HHAT: variants seen among roughly 807,000 people sequenced by gnomAD.
The protein encoded by HHAT is protein-cysteine N-palmitoyltransferase HHAT.
HHAT carries 47 observed loss-of-function variants against 70.8 expected under a neutral mutation model. The ratio of observed to expected loss-of-function variants is 0.66; its 90% CI spans 0.53 to 0.85. The LOEUF is 0.85. Among genes scored for constraint, HHAT ranks in the 40% least tolerant of loss-of-function variants. HHAT has a pLI of 0.00. For missense variants in HHAT, 609 were observed against 604.8 expected (o/e 1.01, Z -0.07); for synonymous variants, 228 against 247.6 (o/e 0.92, Z 0.74).
At chr1:210,372,512 A>T (rs2089654690) in intron 3 of HHAT, among the ~76,000 whole-genome samples, 2 of 152,194 alleles carry the variant, frequency 1.3e-5, no homozygotes, top group African/African-American at 4.8e-5. Context: ...GAATTCTCCT[A>T]CAAGTACAAA....
chr1:210,416,377 A>G (rs1280571648), intron 6 of HHAT, among the ~76,000 whole-genome samples: 1 of 152,228 alleles, frequency 6.6e-6, no homozygotes, highest in Non-Finnish European at 1.5e-5. Context: ...ATTTAGCATT[A>G]GTCTGTCCTC....
intron 7 of HHAT, among the ~76,000 whole-genome samples, chr1:210,426,194 G>C (rs2093055702): frequency 6.6e-6 from 1 of 152,194 alleles, no homozygotes; most frequent in African/African-American, 2.4e-5. Flanking sequence ...CATTGATTTT[G>C]TATCCTGAGA....
chr1:210,599,079 G>A (rs1203836330), intron 10 of HHAT, among the ~76,000 whole-genome samples: 3 of 152,300 alleles, frequency 2.0e-5, no homozygotes, highest in South Asian at 2.1e-4. Context: ...CTACAACAGG[G>A]TTGTCTGATA....
chr1:210,529,285 AC>A, intron 9 of HHAT, among the ~76,000 whole-genome samples: 1 of 151,258 alleles, frequency 6.6e-6, no homozygotes, highest in South Asian at 2.1e-4. Flanking sequence ...AGCCTGGGCA[AC>A]AGAACGAGAC....
At chr1:210,659,138 T>C (rs575970190) in intron 11 of HHAT, among the ~76,000 whole-genome samples, 1 of 152,080 alleles carries the variant, frequency 6.6e-6, no homozygotes, top group Non-Finnish European at 1.5e-5. Flanking sequence ...AAAAAATCAA[T>C]GAATCCAGGA....
intron 9 of HHAT, among the ~76,000 whole-genome samples, chr1:210,555,470 C>A (rs938665122): frequency 6.6e-6 from 1 of 152,152 alleles, no homozygotes; most frequent in East Asian, 1.9e-4. Context: ...GGAATTGGGC[C>A]CTAGTCCTGT....
chr1:210,517,843 C>T (rs546163096), intron 9 of HHAT, among the ~76,000 whole-genome samples: 1 of 152,028 alleles, frequency 6.6e-6, no homozygotes, highest in Non-Finnish European at 1.5e-5. Context: ...ATTTTAAAAA[C>T]GATGAATGAT....
chr1:210,331,252 G>GC (rs1192915335), intron 1 of HHAT, among the ~76,000 whole-genome samples: 2 of 152,084 alleles, frequency 1.3e-5, no homozygotes, highest in Non-Finnish European at 2.9e-5. Flanking sequence ...TCCCATCTGG[G>GC]GGGGTGTGTT....
intron 7 of HHAT, among the ~76,000 whole-genome samples, chr1:210,444,853 C>T (rs1462348483): frequency 1.3e-5 from 2 of 151,846 alleles, no homozygotes; most frequent in Admixed American, 6.6e-5. Flanking sequence ...GTTTTTCTTT[C>T]TCCTGAGACA....
At chr1:210,384,992 T>A (rs963019633) in intron 3 of HHAT, among the ~76,000 whole-genome samples, 1 of 152,226 alleles carries the variant, frequency 6.6e-6, no homozygotes, top group African/African-American at 2.4e-5. Flanking sequence ...TTCCTTTAAA[T>A]GAATGTTTTC....
At chr1:210,414,483 A>G (rs1442839516) in intron 6 of HHAT, among the ~76,000 whole-genome samples, 1 of 152,158 alleles carries the variant, frequency 6.6e-6, no homozygotes, top group Non-Finnish European at 1.5e-5. Context: ...CATAGCTACA[A>G]AAAAAATCTA....
intron 7 of HHAT, among the ~76,000 whole-genome samples, chr1:210,451,484 T>C (rs1024536813): frequency 6.6e-6 from 1 of 152,230 alleles, no homozygotes; most frequent in Non-Finnish European, 1.5e-5. Context: ...CAGAAAATAT[T>C]AATGAAATTA....
chr1:210,612,606 A>C (rs1666822463), intron 10 of HHAT, among the ~76,000 whole-genome samples: 1 of 152,212 alleles, frequency 6.6e-6, no homozygotes, highest in Admixed American at 6.5e-5. Flanking sequence ...ACTGCTGTGT[A>C]CACTGGTGTA....
chr1:210,555,890 C>T (rs2095567677), intron 9 of HHAT, among the ~76,000 whole-genome samples: 1 of 152,076 alleles, frequency 6.6e-6, no homozygotes, highest in Admixed American at 6.5e-5. Flanking sequence ...GCCAGCTGAG[C>T]CTGATTAATA....
chr1:210,630,879 C>CG, intron 11 of HHAT: 1 of 366,468 alleles, frequency 2.7e-6, no homozygotes. Flanking sequence ...GCCGTGGAGG[C>CG]GGGGGGCCAG....
chr1:210,624,682 A>G (rs1326943155), intron 11 of HHAT, among the ~76,000 whole-genome samples: 1 of 152,242 alleles, frequency 6.6e-6, no homozygotes, highest in African/African-American at 2.4e-5. Flanking sequence ...AAAACATTCT[A>G]TTAATAATTG....
At chr1:210,331,249 T>G (rs368314096) in intron 1 of HHAT, among the ~76,000 whole-genome samples, 2,819 of 151,960 alleles carry the variant, frequency 0.019, 38 homozygotes, top group Middle Eastern at 0.037. Flanking sequence ...CAGTCCCATC[T>G]GGGGGGGTGT....
chr1:210,419,257 G>A (rs1281990341), intron 7 of HHAT, among the ~76,000 whole-genome samples: 1 of 152,176 alleles, frequency 6.6e-6, no homozygotes, highest in Non-Finnish European at 1.5e-5. Context: ...TGGCGTGTGT[G>A]TATTTCCCTC....
At chr1:210,446,320 T>C (rs1202361979) in intron 7 of HHAT, among the ~76,000 whole-genome samples, 1 of 152,158 alleles carries the variant, frequency 6.6e-6, no homozygotes, top group Admixed American at 6.5e-5. Flanking sequence ...CTTGAAAGAT[T>C]ATTGTTTGAA....
Sources: allele counts gnomAD v4.1 joint callset (sites outside exome capture counted in the v4.1 genomes callset), GRCh38; gene constraint gnomAD v4.1.1; transcripts MANE v1.5; gene names NCBI Gene and HGNC (gene_info 2026-07-23, HGNC 2026-07-21).